The following EIF3B variants were observed in gnomAD, a reference collection of about 807,000 sequenced individuals.
EIF3B encodes the protein eukaryotic translation initiation factor 3 subunit 9.
Under a neutral mutation model 104.6 loss-of-function variants are expected in EIF3B, and 10 were observed. The ratio of observed to expected loss-of-function variants is 0.10; its 90% confidence interval spans 0.06 to 0.16. The LOEUF (loss-of-function observed/expected upper bound fraction) is 0.16. Among genes scored for constraint, EIF3B ranks in the 10% least tolerant of loss-of-function variants. The pLI, the probability that EIF3B is intolerant of heterozygous loss-of-function variation, is 1.00. For synonymous variants in EIF3B, 542 were observed against 417.2 expected (o/e 1.30, Z -3.65); for missense variants, 1,014 against 1,087.9 (o/e 0.93, Z 0.96).
chr7:2,371,763 T>A lies in EIF3B; in HGVS notation c.1615-14T>A. 6.3e-7 allele frequency: 1 copy of A among 1,583,118 alleles called. No individual in the cohort carries two copies. Among genetic ancestry groups the A allele is most frequent in the Non-Finnish European group, 8.7e-7 (1 of 1,152,688 alleles). ...TGTCCAGAATGTCACCCCTTCCCCC[T>A]TTTTTTTAAACAGGGTGTTGTCACA... On this transcript the variant is annotated splice_polypyrimidine_tract_variant and intron_variant, in intron 10 of 18. Coordinates refer to ENST00000360876, the MANE Select transcript of EIF3B (RefSeq NM_001037283.2).
intron 10 of EIF3B, 57 bp from the exon 11 acceptor site, chr7:2,371,720 C>T (rs1317129372): frequency 1.5e-6 from 2 of 1,326,164 alleles, no homozygotes; most frequent in Non-Finnish European, 2.2e-6. Context: ...TGATTTAAAC[C>T]TTTTCTCATA....
At position 2,379,514 on chromosome 7, in the gene EIF3B, G is replaced by A. The variant is rs1164901134; in HGVS notation, c.*14+3G>A. 3.2e-6 allele frequency: 5 copies of A among 1,551,044 alleles called. No individual in the cohort carries two copies. The highest frequency in any genetic ancestry group is 4.4e-6 in the Non-Finnish European group (5 of 1,143,176). On this transcript the variant is annotated splice_donor_region_variant and intron_variant, in intron 18 of 18. Coordinates refer to ENST00000360876, the MANE Select transcript of EIF3B (RefSeq NM_001037283.2). ...CAGGAGTGACCTGGAGCACTGTGGT[G>A]AGCGTCTGCAGGGGGCGCGATGGGG...
In EIF3B at chr7:2,375,315, C is replaced by G. The variant is rs1583178861; in HGVS notation, c.1890-74C>G. The G allele has an allele frequency of 2.5e-6, 4 of 1,591,250 alleles. No individual in the cohort carries two copies. The East Asian group carries it at 9.0e-5, about 36-fold the overall frequency. ...CTGGCTCCCTGGGGACCCCATGCCGCAGCACCTCTCAGGAGTGGGATGCCA... is the reference window on the plus strand; with the variant it reads ...CTGGCTCCCTGGGGACCCCATGCCGGAGCACCTCTCAGGAGTGGGATGCCA... On this transcript the variant is annotated intron_variant, in intron 13 of 18. Transcript: ENST00000360876.
At chr7:2,362,568 G>T in intron 2 of EIF3B, 77 bp from the exon 3 acceptor site, 1 of 1,576,750 alleles carries the variant, frequency 6.3e-7, no homozygotes, top group Admixed American at 1.7e-5. Flanking sequence ...CTTGTCCGTG[G>T]AGAGGGGTGG....
At position 2,360,792 on chromosome 7, in the gene EIF3B, G is replaced by C. The variant is rs147152815; in HGVS notation, c.582G>C (p.Gln194His). The C allele has an allele frequency of 3.7e-5, 60 of 1,613,748 alleles. 1 individual carries two copies. In the African/African-American group the frequency reaches 7.5e-4, roughly 20 times the overall value. ...DSVIVVDNVP[Q>H]VGPDRLEKLK... ...TGATTGTAGTGGACAATGTCCCTCA[G>C]GTGGGACCCGACCGACTTGAGAAAC... The change falls in exon 2 of 19, where the codon CAG becomes CAC. Residue 194 changes from glutamine (Q) to histidine (H), a missense_variant. Transcript: ENST00000360876.
intron 12 of EIF3B, 120 bp from the exon 13 acceptor site, chr7:2,374,408 T>TCCAGCATTA: frequency 1.2e-6 from 1 of 838,736 alleles, no homozygotes. Context: ...TCCGAGGTGG[T>TCCAGCATTA]CCAGCATTAC....
intron 16 of EIF3B, 89 bp downstream of exon 16, chr7:2,378,855 C>A: frequency 8.5e-7 from 1 of 1,176,946 alleles, no homozygotes; most frequent in South Asian, 1.3e-5. Flanking sequence ...TGTATGTGCT[C>A]AGAGTTGCCT....
rs1211527019 is a variant in EIF3B at position 2,377,014 on chromosome 7, G to A, written c.2093G>A (p.Arg698His). The change falls in exon 15 of 19, where the codon CGC (arginine) becomes CAC (histidine). Residue 698 changes from arginine (R) to histidine (H), a missense_variant. Transcript: ENST00000360876. ...CTCCTGCAGAAGAACAACAAGGACC[G>A]CTTCTGCCAGCTGCTGTGGCGGCCC... Reference protein sequence around the residue: ...GRLLQKNNKDRFCQLLWRPRP... With the variant: ...GRLLQKNNKDHFCQLLWRPRP... 1.9e-6 allele frequency: 3 copies of A among 1,613,832 alleles called. No homozygotes were observed. The highest frequency in any genetic ancestry group is 2.2e-5 in the East Asian group (1 of 44,880).
chr7:2,358,535 A>G (rs1779575353), intron 1 of EIF3B, among the ~76,000 whole-genome samples: 1 of 151,970 alleles, frequency 6.6e-6, no homozygotes, highest in Non-Finnish European at 1.5e-5. Context: ...TATCATTATT[A>G]TTATTATTTG....
intron 6 of EIF3B, 126 bp from the exon 7 acceptor site, chr7:2,366,191 C>A: frequency 1.0e-6 from 1 of 995,604 alleles, no homozygotes; most frequent in East Asian, 2.6e-5. Context: ...CTCTTGGGGC[C>A]GGGCAGTGTG....
chr7:2,371,099 A>G (rs1205371536), intron 10 of EIF3B, among the ~76,000 whole-genome samples: 1 of 152,212 alleles, frequency 6.6e-6, no homozygotes, highest in Non-Finnish European at 1.5e-5. Flanking sequence ...TTGTCACCCT[A>G]CAAAGAAACA....
rs768314023 is a variant in EIF3B at position 2,369,480 on chromosome 7, C to T, written c.1412C>T (p.Ser471Phe). 1 of 1,614,204 alleles carries T rather than the reference C, an allele frequency of 6.2e-7. No individual in the cohort carries two copies. The highest frequency in any genetic ancestry group is 2.2e-5 in the East Asian group (1 of 44,880). The change falls in exon 10 of 19, where the codon TCT becomes TTT. Residue 471 changes from serine (S) to phenylalanine (F), a missense_variant. This residue lies in a region of EIF3B where 201 missense variants were observed against 240.7 expected (regional missense o/e 0.83). Transcript: ENST00000360876. ...SLKISGIKDF[S>F]WSPGGNIIAF... ...ATTTTCCTGTTCTGCAGAGACTTTT[C>T]TTGGTCTCCTGGTGGTAACATAATC...
chr7:2,364,891 A>G (rs1779920602), intron 6 of EIF3B, among the ~76,000 whole-genome samples: 1 of 152,160 alleles, frequency 6.6e-6, no homozygotes, highest in African/African-American at 2.4e-5. Flanking sequence ...TTGTTACTTG[A>G]CCTAATAATG....
At chr7:2,377,206 G>C in intron 15 of EIF3B, 131 bp downstream of exon 15, 5 of 1,245,894 alleles carry the variant, frequency 4.0e-6, no homozygotes, top group Non-Finnish European at 5.4e-6. Flanking sequence ...AGGATTCTTT[G>C]AAGAGACGCA....
rs375454344 is a variant in EIF3B, at chr7:2,360,912, C to T, written c.692+10C>T. On this transcript the variant is annotated intron_variant, in intron 2 of 18. Transcript: ENST00000360876. ...ATGGGAAGACAAAAGGGTGAGTGTT[C>T]TCCTGTTGGAGAAGTATCATCTGTG... 13 of 1,597,338 alleles carry T rather than the reference C, an allele frequency of 8.1e-6. No individual in the cohort carries two copies. The highest frequency in any genetic ancestry group is 1.3e-5 in the African/African-American group (1 of 74,602).
intron 12 of EIF3B, chr7:2,373,831 TGTTGGG>T (rs1780488735): frequency 6.6e-6 from 1 of 152,230 alleles, no homozygotes; most frequent in Non-Finnish European, 1.5e-5. Context: ...TGCCCGTGGC[TGTTGGG>T]GTTTTCGCTT....
At chr7:2,363,006 C>G in intron 3 of EIF3B, 64 bp from the exon 4 acceptor site, 1 of 1,574,018 alleles carries the variant, frequency 6.4e-7, no homozygotes, top group Non-Finnish European at 8.7e-7. Flanking sequence ...CATGCTGGAG[C>G]CCCCACGAGT....
rs184829585 is a variant in EIF3B, at chr7:2,377,095, C to T, written c.2154+20C>T. 8.6e-5 allele frequency: 138 copies of T among 1,596,696 alleles called. No homozygotes were observed. In the East Asian group the frequency reaches 9.5e-4, roughly 11 times the overall value. On this transcript the variant is annotated intron_variant, in intron 15 of 18. Transcript: ENST00000360876. Reference sequence around the variant, plus strand: ...ATCAAGGTCAGCATGCCCCCACCCCCGGGTGCAGGGCACATGGAGGCAATT... The same window carrying T: ...ATCAAGGTCAGCATGCCCCCACCCCTGGGTGCAGGGCACATGGAGGCAATT...
At chr7:2,377,666 A>C (rs1327538380) in intron 15 of EIF3B, among the ~76,000 whole-genome samples, 1 of 97,448 alleles carries the variant, frequency 1.0e-5, no homozygotes, top group Non-Finnish European at 1.9e-5. Flanking sequence ...TCAAGGAGGA[A>C]GGAGCAGGCG....
Sources: gnomAD v4.1 joint callset for allele counts (sites outside exome capture counted in the v4.1 genomes callset) on GRCh38, gnomAD v4.1.1 for gene constraint, gnomAD v4.1.1 regional missense constraint, MANE v1.5 for transcripts, NCBI Gene and HGNC (gene_info 2026-07-23, HGNC 2026-07-21) for gene names.